SASH1: variants seen among roughly 807,000 people sequenced by gnomAD.
SASH1 encodes the protein SAM and SH3 domain-containing protein 1.
In SASH1, 44 loss-of-function variants were observed where a neutral mutation model predicts 125.2. The observed-to-expected ratio is 0.35, with a 90% CI of 0.28 to 0.45. The LOEUF (loss-of-function observed/expected upper bound fraction) is 0.45. Ranked by LOEUF, SASH1 falls within the 20% of genes least tolerant of loss-of-function variation. The probability of loss-of-function intolerance (pLI) is 1.00; values close to 1 mark genes in which losing one functional copy is unlikely to be tolerated. For missense variants in SASH1, 1,426 were observed against 1,614.5 expected (o/e 0.88, Z 2.00); for synonymous variants, 639 against 649.1 (o/e 0.98, Z 0.24).
the SASH1 span, among the ~76,000 whole-genome samples, chr6:148,258,764 G>A: frequency 2.0e-5 from 3 of 152,252 alleles, no homozygotes; most frequent in South Asian, 2.1e-4. Flanking sequence ...GGCTTCCACA[G>A]TTTTCATTTT....
intron 1 of SASH1, among the ~76,000 whole-genome samples, chr6:148,383,827 G>A (rs1458102477): frequency 6.6e-6 from 1 of 152,160 alleles, no homozygotes; most frequent in East Asian, 1.9e-4. Flanking sequence ...CGATTGTTGA[G>A]GAAACAGTGC....
chr6:148,363,319 T>A (rs1782319455), intron 1 of SASH1, among the ~76,000 whole-genome samples: 1 of 151,444 alleles, frequency 6.6e-6, no homozygotes, highest in African/African-American at 2.4e-5. Flanking sequence ...TTATTTATTT[T>A]TTTGTAGAGA....
At chr6:148,393,041 ATTT>A (rs11368073) in intron 2 of SASH1, among the ~76,000 whole-genome samples, 18 of 78,096 alleles carry the variant, frequency 2.3e-4, no homozygotes, top group East Asian at 7.1e-4. Context: ...GAATGTTTCA[ATTT>A]TTTTTTTTTT....
At chr6:148,455,478 C>T (rs934796679) in intron 4 of SASH1, among the ~76,000 whole-genome samples, 6 of 152,096 alleles carry the variant, frequency 3.9e-5, no homozygotes, top group African/African-American at 1.2e-4. Flanking sequence ...GCGCTCACAA[C>T]ATCAGAAGGG....
At chr6:148,256,380 A>G in the SASH1 span, among the ~76,000 whole-genome samples, 1 of 152,222 alleles carries the variant, frequency 6.6e-6, no homozygotes, top group Admixed American at 6.5e-5. Context: ...GTTGTTTTAA[A>G]ATCACATTCT....
chr6:148,401,002 T>C (rs932524596), intron 2 of SASH1, among the ~76,000 whole-genome samples: 7 of 152,128 alleles, frequency 4.6e-5, no homozygotes, highest in African/African-American at 1.7e-4. Flanking sequence ...CCCAGCACTT[T>C]GGGAGGCCAA....
intron 5 of SASH1, among the ~76,000 whole-genome samples, chr6:148,469,392 A>G (rs762049709): frequency 1.7e-4 from 26 of 152,222 alleles, no homozygotes; most frequent in Non-Finnish European, 1.8e-4. Flanking sequence ...CTGTTTCAGA[A>G]ACATGAAAAT....
intron 2 of SASH1, among the ~76,000 whole-genome samples, chr6:148,394,316 G>A (rs1339826768): frequency 6.6e-6 from 1 of 152,164 alleles, no homozygotes; most frequent in African/African-American, 2.4e-5. Flanking sequence ...CCAAAGTCTA[G>A]ATGTCCATGT....
chr6:148,267,681 G>T (rs1429822334), upstream of SASH1, among the ~76,000 whole-genome samples: 1 of 152,020 alleles, frequency 6.6e-6, no homozygotes, highest in Non-Finnish European at 1.5e-5. Context: ...CCCGGCCCCA[G>T]TGCTACTTTT....
chr6:148,319,914 A>C (rs1780595882), intron 1 of SASH1, among the ~76,000 whole-genome samples: 1 of 152,100 alleles, frequency 6.6e-6, no homozygotes. Flanking sequence ...CCCTCTGTCC[A>C]TTGTACCCAT....
intron 1 of SASH1, among the ~76,000 whole-genome samples, chr6:148,289,419 C>T (rs897304227): frequency 6.6e-6 from 1 of 152,202 alleles, no homozygotes; most frequent in Non-Finnish European, 1.5e-5. Flanking sequence ...AGCCTCTAAC[C>T]TCATTTTGTC....
intron 4 of SASH1, among the ~76,000 whole-genome samples, chr6:148,447,375 T>TA (rs1754522444): frequency 2.0e-5 from 3 of 152,230 alleles, no homozygotes; most frequent in Admixed American, 6.5e-5. Flanking sequence ...TGCGGACACT[T>TA]ACTCTCCTTG....
At chr6:148,327,593 A>G (rs1206789210) in intron 1 of SASH1, among the ~76,000 whole-genome samples, 2 of 150,628 alleles carry the variant, frequency 1.3e-5, no homozygotes, top group Admixed American at 1.3e-4. Flanking sequence ...AGAAATTTCT[A>G]TAATGTACAC....
rs536168797 is a variant in SASH1, at chr6:148,311,024, C to T, written n.74+38647C>T. Among the ~76,000 whole-genome samples, 451 of 152,174 alleles carry T rather than the reference C, an allele frequency of 3.0e-3. 3 individuals are homozygous for T. Among genetic ancestry groups the T allele is most frequent in the Non-Finnish European group, 5.4e-3 (366 of 68,014 alleles). ...AAACTCCTGGGCTCAAGTGATCCTCCGGCCTCAGCCTCCTGAATAGCTGGG... is the reference window on the plus strand; with the variant it reads ...AAACTCCTGGGCTCAAGTGATCCTCTGGCCTCAGCCTCCTGAATAGCTGGG... On this transcript the variant is annotated intron_variant and non_coding_transcript_variant, in intron 1 of 3. Transcript: ENST00000367469.
At chr6:148,226,699 T>C in the SASH1 span, among the ~76,000 whole-genome samples, 1 of 152,316 alleles carries the variant, frequency 6.6e-6, no homozygotes, top group East Asian at 1.9e-4. Context: ...TTCTTTATGG[T>C]TGCAAAATGG....
chr6:148,408,099 G>C (rs957365383), intron 2 of SASH1, among the ~76,000 whole-genome samples: 1 of 144,964 alleles, frequency 6.9e-6, no homozygotes, highest in African/African-American at 2.5e-5. Context: ...TTATGGTTTT[G>C]ATTTGCATTT....
intron 1 of SASH1, among the ~76,000 whole-genome samples, chr6:148,332,120 CAA>C (rs1781012461): frequency 6.6e-6 from 1 of 152,064 alleles, no homozygotes; most frequent in African/African-American, 2.4e-5. Context: ...CTTCTTTCAC[CAA>C]ACACTCCCTG....
chr6:148,534,064 G>A lies in SASH1; in HGVS notation c.1944+84G>A, dbSNP rs149189694. On this transcript the variant is annotated intron_variant, in intron 15 of 19. Transcript: ENST00000367467. ...ACTAAGCAAGTGAGGGCATTTTTAG[G>A]GTAGGGTTGGGGCTGATCTGTGTGG... 1,364 of 1,231,734 alleles carry A rather than the reference G, an allele frequency of 1.1e-3. 9 individuals are homozygous for A. In the African/African-American group the frequency reaches 0.018, roughly 16 times the overall value. The allele number at this position is 1,231,734 out of a possible 1,614,324, so 76.3% of individuals were successfully genotyped here.
chr6:148,474,415 A>C (rs1156844651), intron 7 of SASH1, among the ~76,000 whole-genome samples, 193 bp downstream of exon 7: 1 of 152,216 alleles, frequency 6.6e-6, no homozygotes, highest in East Asian at 1.9e-4. Context: ...TGAATGAATG[A>C]ATGGCAAATA....
Sources: allele counts gnomAD v4.1 joint callset (sites outside exome capture counted in the v4.1 genomes callset), GRCh38; gene constraint gnomAD v4.1.1; transcripts MANE v1.5; gene names NCBI Gene and HGNC (gene_info 2026-07-23, HGNC 2026-07-21).